Variants in SRBD1 observed in about 807,000 individuals in gnomAD.
The protein encoded by SRBD1 is S1 RNA binding domain 1.
Under a neutral mutation model 115.3 loss-of-function variants are expected in SRBD1, and 88 were observed. The ratio of observed to expected loss-of-function variants is 0.76; its 90% CI spans 0.64 to 0.91. The LOEUF (loss-of-function observed/expected upper bound fraction) is 0.91. Ranked by LOEUF, SRBD1 falls within the 40% of genes least tolerant of loss-of-function variation. SRBD1 has a pLI of 0.00. For missense variants in SRBD1, 1,385 were observed against 1,177.4 expected, an observed-to-expected ratio of 1.18 and a Z score of -2.58; for synonymous variants, 509 against 407.7, an observed-to-expected ratio of 1.25 and a Z score of -2.99.
At chr2:45,488,417 G>GAAAAA in intron 14 of SRBD1, 86 bp from the exon 15 acceptor site, 1 of 835,052 alleles carries the variant, frequency 1.2e-6, no homozygotes, top group Non-Finnish European at 1.8e-6. Flanking sequence ...GGCATTACCA[G>GAAAAA]AAAAAAAAAA....
At chr2:45,405,770 C>A (rs897135458) in intron 19 of SRBD1, among the ~76,000 whole-genome samples, 1 of 46,570 alleles carries the variant, frequency 2.1e-5, no homozygotes, top group South Asian at 6.1e-4. Flanking sequence ...GACGACTGGT[C>A]ATTAGTTGAG....
chr2:45,608,812 G>GA (rs202242042), intron 1 of SRBD1, among the ~76,000 whole-genome samples: 2,626 of 148,148 alleles, frequency 0.018, 53 homozygotes, highest in East Asian at 0.087. Context: ...CCAGAACCTT[G>GA]AAAAAAAAAA....
At chr2:45,462,649 TA>T (rs540175863) in intron 16 of SRBD1, among the ~76,000 whole-genome samples, 435 of 129,776 alleles carry the variant, frequency 3.4e-3, no homozygotes, top group Middle Eastern at 4.0e-3. Flanking sequence ...CCGTCTGTAC[TA>T]AAAAAAAAAA....
At chr2:45,471,889 T>C (rs1331438530) in intron 16 of SRBD1, among the ~76,000 whole-genome samples, 3 of 152,152 alleles carry the variant, frequency 2.0e-5, no homozygotes, top group Admixed American at 2.0e-4. Flanking sequence ...TTATCACATA[T>C]ACATATATAT....
intron 16 of SRBD1, among the ~76,000 whole-genome samples, chr2:45,450,946 G>A (rs1668973858): frequency 6.6e-6 from 1 of 152,140 alleles, no homozygotes; most frequent in African/African-American, 2.4e-5. Flanking sequence ...CCAGCTGCAG[G>A]TTTGAAAAAC....
chr2:45,559,160 G>C (rs1457786431), intron 10 of SRBD1, among the ~76,000 whole-genome samples: 1 of 152,048 alleles, frequency 6.6e-6, no homozygotes. Context: ...ATAATCTCTT[G>C]TGCCATATCT....
At chr2:45,414,923 G>GTACA (rs199620153) in intron 18 of SRBD1, among the ~76,000 whole-genome samples, 2 of 66,306 alleles carry the variant, frequency 3.0e-5, no homozygotes, top group Non-Finnish European at 5.8e-5. Context: ...TATATAGTAT[G>GTACA]TACACACACA....
At chr2:45,467,342 CT>C (rs1190124554) in intron 16 of SRBD1, among the ~76,000 whole-genome samples, 1 of 152,182 alleles carries the variant, frequency 6.6e-6, no homozygotes, top group African/African-American at 2.4e-5. Flanking sequence ...CCTGCATAAT[CT>C]TAAGGTTTCT....
intron 1 of SRBD1, among the ~76,000 whole-genome samples, chr2:45,608,298 A>T (rs932627540): frequency 1.3e-5 from 2 of 152,206 alleles, no homozygotes; most frequent in Non-Finnish European, 2.9e-5. Context: ...AAAAATATCA[A>T]TGTAAAAGGA....
At chr2:45,497,951 T>C (rs1014148279) in intron 14 of SRBD1, among the ~76,000 whole-genome samples, 7 of 152,078 alleles carry the variant, frequency 4.6e-5, no homozygotes, top group African/African-American at 1.7e-4. Flanking sequence ...GGAGAATCGC[T>C]TGAGATCGCA....
At chr2:45,516,327 T>C (rs757558202) in intron 14 of SRBD1, among the ~76,000 whole-genome samples, 2 of 152,172 alleles carry the variant, frequency 1.3e-5, no homozygotes, top group Non-Finnish European at 2.9e-5. Context: ...GGGATCTGTG[T>C]GCTTAATGGT....
intron 19 of SRBD1, among the ~76,000 whole-genome samples, chr2:45,403,074 G>C (rs1020940254): frequency 8.5e-5 from 13 of 152,182 alleles, no homozygotes; most frequent in African/African-American, 3.1e-4. Flanking sequence ...ACAGAAAACA[G>C]TAAGAAATCC....
intron 14 of SRBD1, among the ~76,000 whole-genome samples, chr2:45,520,928 G>A (rs1468005095): frequency 1.3e-5 from 2 of 152,184 alleles, no homozygotes; most frequent in African/African-American, 4.8e-5. Flanking sequence ...GATACAGAAA[G>A]CTATTGCAAT....
At chr2:45,489,087 AC>A (rs1420307330) in intron 14 of SRBD1, among the ~76,000 whole-genome samples, 1 of 152,142 alleles carries the variant, frequency 6.6e-6, no homozygotes, top group African/African-American at 2.4e-5. Flanking sequence ...CTTACAGCTG[AC>A]ATTTGTATGG....
At chr2:45,494,345 A>G (rs937624215) in intron 14 of SRBD1, among the ~76,000 whole-genome samples, 1 of 152,086 alleles carries the variant, frequency 6.6e-6, no homozygotes, top group Non-Finnish European at 1.5e-5. Flanking sequence ...ACAATTATTA[A>G]TTGGTCAGGG....
intron 4 of SRBD1, among the ~76,000 whole-genome samples, chr2:45,586,989 T>C (rs964576103): frequency 4.6e-4 from 30 of 64,524 alleles, no homozygotes; most frequent in South Asian, 1.3e-3. Flanking sequence ...TTTAAAATTA[T>C]TTTAAATATT....
At chr2:45,412,982 G>A (rs1667647380) in intron 19 of SRBD1, 132 bp downstream of exon 19, 8 of 1,006,268 alleles carry the variant, frequency 8.0e-6, no homozygotes, top group East Asian at 2.5e-5. Context: ...ACTCAGCAAT[G>A]CAGAACTTCT....
At chr2:45,426,585 A>G (rs999001325) in intron 16 of SRBD1, among the ~76,000 whole-genome samples, 1 of 152,148 alleles carries the variant, frequency 6.6e-6, no homozygotes, top group African/African-American at 2.4e-5. Context: ...GTCGATAGAC[A>G]TCTCATACAG....
Position 45,419,883 on chromosome 2 carries a change from G to C in SRBD1, c.2061C>G (p.Ser687=), listed in dbSNP as rs1667945682. ...CCAGTGTTGCCTTGAGTAAAGTCTG[G>C]GATACGTCATGCTGAAAAGACAAAG... ...IGVGMYQHDV[S]QTLLKATLDS... is the part of the protein sequence containing the mutation. The change falls in exon 17 of 21, where the codon TCC becomes TCG. Residue 687 remains serine, a synonymous_variant. Coordinates refer to ENST00000263736, the MANE Select transcript of SRBD1 (RefSeq NM_018079.5). 6.2e-7 allele frequency: 1 copy of C among 1,612,866 alleles called. No individual in the cohort carries two copies. Among genetic ancestry groups the C allele is most frequent in the African/African-American group, 1.3e-5 (1 of 74,854 alleles).
Sources: allele counts gnomAD v4.1 joint callset (sites outside exome capture counted in the v4.1 genomes callset), GRCh38; gene constraint gnomAD v4.1.1; transcripts MANE v1.5; gene names NCBI Gene and HGNC (gene_info 2026-07-23, HGNC 2026-07-21).